The following NCAM2 variants were observed in gnomAD, a reference collection of about 807,000 sequenced individuals.
NCAM2 encodes neural cell adhesion molecule 2.
NCAM2 carries 30 observed loss-of-function variants against 98.1 expected under a neutral mutation model. The observed-to-expected ratio is 0.31, with a 90% confidence interval of 0.23 to 0.41. NCAM2 has a LOEUF of 0.41. Ranked by LOEUF, NCAM2 falls within the 10% of genes least tolerant of loss-of-function variation. The pLI, the probability that NCAM2 is intolerant of heterozygous loss-of-function variation, is 1.00. For missense variants in NCAM2, 867 were observed against 1,005.8 expected (o/e 0.86, Z 1.87); for synonymous variants, 368 against 342.4 (o/e 1.07, Z -0.83).
chr21:21,393,436 G>C (rs232438), intron 9 of NCAM2, among the ~76,000 whole-genome samples: 4,173 of 152,148 alleles, frequency 0.027, 190 homozygotes, highest in African/African-American at 0.095. Context: ...TGCTAAAACG[G>C]TTGTCCTGTA....
chr21:21,419,119 T>C (rs1315839650), intron 11 of NCAM2, among the ~76,000 whole-genome samples: 1 of 152,110 alleles, frequency 6.6e-6, no homozygotes, highest in Non-Finnish European at 1.5e-5. Flanking sequence ...AGAATATATT[T>C]TACATTTTTA....
chr21:21,110,517 C>T (rs956247225), intron 1 of NCAM2, among the ~76,000 whole-genome samples: 1 of 151,612 alleles, frequency 6.6e-6, no homozygotes, highest in African/African-American at 2.4e-5. Flanking sequence ...GATACAATTT[C>T]CTCTGTGTTT....
intron 1 of NCAM2, among the ~76,000 whole-genome samples, chr21:21,217,032 G>A (rs946313960): frequency 6.6e-6 from 1 of 152,148 alleles, no homozygotes; most frequent in South Asian, 2.1e-4. Context: ...AACTTAGAAG[G>A]ACTAGCAGTG....
chr21:21,308,962 GCA>G (rs1329795442), intron 5 of NCAM2, among the ~76,000 whole-genome samples: 1 of 151,746 alleles, frequency 6.6e-6, no homozygotes, highest in Non-Finnish European at 1.5e-5. Context: ...TTCATCTCAG[GCA>G]CTTTAGCTTT....
intron 1 of NCAM2, among the ~76,000 whole-genome samples, chr21:21,108,471 T>G (rs2066393587): frequency 6.6e-6 from 1 of 152,136 alleles, no homozygotes; most frequent in African/African-American, 2.4e-5. Flanking sequence ...AGTATGCTAA[T>G]TGAAAAGCTC....
chr21:21,293,177 C>T (rs1248635362), intron 5 of NCAM2, among the ~76,000 whole-genome samples: 1 of 151,806 alleles, frequency 6.6e-6, no homozygotes, highest in East Asian at 1.9e-4. Context: ...AATTTCATCT[C>T]CATTTTGGCA....
At chr21:21,004,447 G>A (rs577333917) in intron 1 of NCAM2, among the ~76,000 whole-genome samples, 25 of 152,214 alleles carry the variant, frequency 1.6e-4, no homozygotes, top group African/African-American at 6.0e-4. Flanking sequence ...CTGGAACTGG[G>A]AGTAGATTTT....
chr21:21,280,722 A>C lies in NCAM2; in HGVS notation c.130+70A>C, dbSNP rs1246744365. The C allele has an allele frequency of 6.1e-6, 6 of 987,040 alleles. No individual in the cohort carries two copies. In the East Asian group the frequency reaches 1.7e-4, roughly 27 times the overall value. 61.1% of individuals were successfully genotyped at this position (987,040 alleles called of 1,614,324 possible). On this transcript the variant is annotated intron_variant, in intron 2 of 17. Coordinates refer to ENST00000400546, the MANE Select transcript of NCAM2 (RefSeq NM_004540.5). ...AAATATTAATAAAATGTGTTGGCTA[A>C]ATTTAACTAGTTAAAAACTCAGTTC...
intron 1 of NCAM2, among the ~76,000 whole-genome samples, chr21:21,087,343 C>T (rs934592812): frequency 3.3e-5 from 5 of 152,018 alleles, no homozygotes; most frequent in African/African-American, 7.2e-5. Context: ...GTCATGAGAC[C>T]GAGGAGAAGA....
intron 1 of NCAM2, among the ~76,000 whole-genome samples, chr21:21,036,075 G>A (rs923809141): frequency 7.2e-5 from 11 of 151,994 alleles, no homozygotes; most frequent in South Asian, 2.1e-4. Context: ...AAGGGCCCTC[G>A]ATAGCGCTCC....
At chr21:21,391,903 A>G (rs2076388384) in intron 9 of NCAM2, among the ~76,000 whole-genome samples, 1 of 152,118 alleles carries the variant, frequency 6.6e-6, no homozygotes, top group African/African-American at 2.4e-5. Flanking sequence ...AAGAGCAATT[A>G]TCAATGAGTT....
At chr21:21,056,938 A>G (rs1312218362) in intron 1 of NCAM2, among the ~76,000 whole-genome samples, 3 of 152,052 alleles carry the variant, frequency 2.0e-5, no homozygotes, top group Non-Finnish European at 1.5e-5. Context: ...TTTATCTGAT[A>G]TTATATACCC....
chr21:21,525,611 T>A (rs1034729854), intron 16 of NCAM2, among the ~76,000 whole-genome samples: 1 of 152,132 alleles, frequency 6.6e-6, no homozygotes, highest in African/African-American at 2.4e-5. Flanking sequence ...ATATCAATTA[T>A]CTACATGTTA....
At chr21:21,094,930 T>G (rs2066090079) in intron 1 of NCAM2, among the ~76,000 whole-genome samples, 1 of 151,800 alleles carries the variant, frequency 6.6e-6, no homozygotes, top group Non-Finnish European at 1.5e-5. Context: ...AATTGTTGAC[T>G]TTTAAAAGAG....
At chr21:21,182,696 A>G (rs2068519299) in intron 1 of NCAM2, among the ~76,000 whole-genome samples, 1 of 152,140 alleles carries the variant, frequency 6.6e-6, no homozygotes, top group Non-Finnish European at 1.5e-5. Flanking sequence ...TCAATTTAGA[A>G]TGTTACTTCT....
chr21:21,285,264 T>C (rs2073060302), intron 3 of NCAM2, among the ~76,000 whole-genome samples: 1 of 151,858 alleles, frequency 6.6e-6, no homozygotes, highest in Non-Finnish European at 1.5e-5. Flanking sequence ...CCTTAAATCA[T>C]CTCATATCTG....
At chr21:21,165,469 G>C (rs1207121712) in intron 1 of NCAM2, among the ~76,000 whole-genome samples, 1 of 152,126 alleles carries the variant, frequency 6.6e-6, no homozygotes, top group Non-Finnish European at 1.5e-5. Flanking sequence ...TGCAAGTACT[G>C]GTGGCCAACA....
intron 1 of NCAM2, among the ~76,000 whole-genome samples, chr21:21,230,777 G>A (rs2070590848): frequency 6.6e-6 from 1 of 151,048 alleles, no homozygotes; most frequent in African/African-American, 2.4e-5. Flanking sequence ...TCCGTTTAAG[G>A]GCTTATAATT....
chr21:21,192,879 C>T (rs920567381), intron 1 of NCAM2, among the ~76,000 whole-genome samples: 3 of 152,070 alleles, frequency 2.0e-5, no homozygotes, highest in African/African-American at 7.2e-5. Flanking sequence ...GACCAGAACA[C>T]CAGGTTCAAG....
Sources: gnomAD v4.1 joint callset for allele counts (sites outside exome capture counted in the v4.1 genomes callset) on GRCh38, gnomAD v4.1.1 for gene constraint, MANE v1.5 for transcripts, NCBI Gene and HGNC (gene_info 2026-07-23, HGNC 2026-07-21) for gene names.